CEP89: variants seen among roughly 807,000 people sequenced by gnomAD.
CEP89 encodes the protein centrosomal protein of 89 kDa.
A neutral mutation model predicts 97.6 loss-of-function variants in CEP89; 95 were observed. That is an observed-to-expected ratio of 0.97 (90% CI 0.82 to 1.15). CEP89 has a LOEUF of 1.15. Ranked by LOEUF, CEP89 falls within the 50% of genes most tolerant of loss-of-function variation. CEP89 has a pLI of 0.00. For synonymous variants in CEP89, 354 were observed against 349.1 expected, an observed-to-expected ratio of 1.01 and a Z score of -0.16; for missense variants, 869 against 947.7, an observed-to-expected ratio of 0.92 and a Z score of 1.09.
intron 13 of CEP89, 98 bp downstream of exon 13, chr19:32,918,126 C>T: frequency 1.1e-6 from 1 of 941,216 alleles, no homozygotes; most frequent in Non-Finnish European, 1.7e-6. Context: ...CATGACTTCT[C>T]TCATTTTCAA....
At chr19:32,959,173 C>T (rs1031406420) in intron 3 of CEP89, among the ~76,000 whole-genome samples, 4 of 152,190 alleles carry the variant, frequency 2.6e-5, no homozygotes, top group African/African-American at 9.6e-5. Flanking sequence ...AAACAGGACA[C>T]CAAAGGCACC....
chr19:32,968,979 AG>A (rs1376710070), intron 1 of CEP89: 2 of 152,206 alleles, frequency 1.3e-5, no homozygotes, highest in African/African-American at 4.8e-5. Context: ...CTCTGGAGAC[AG>A]ATTGTCCCAT....
chr19:32,905,502 T>A (rs1039133967), intron 14 of CEP89, among the ~76,000 whole-genome samples: 19 of 150,908 alleles, frequency 1.3e-4, no homozygotes, highest in African/African-American at 2.7e-4. Flanking sequence ...TTTTTTTTTT[T>A]AATTCAATTC....
intron 14 of CEP89, among the ~76,000 whole-genome samples, chr19:32,913,307 TTTTTTGTTG>T (rs1251104544): frequency 0.015 from 293 of 19,388 alleles, 1 homozygote; most frequent in African/African-American, 0.067. Context: ...ATATATATAT[TTTTTTGTTG>T]TTGTTGTTGT....
chr19:32,891,501 C>G (rs1043533074), intron 16 of CEP89, among the ~76,000 whole-genome samples: 3 of 152,164 alleles, frequency 2.0e-5, no homozygotes, highest in Non-Finnish European at 4.4e-5. Context: ...AATTCTCCAA[C>G]AGCAGATTCC....
intron 16 of CEP89, among the ~76,000 whole-genome samples, chr19:32,890,405 C>CCAAA (rs141051475): frequency 6.6e-6 from 1 of 151,892 alleles, no homozygotes; most frequent in African/African-American, 2.4e-5. Flanking sequence ...ATCTCAAAAA[C>CCAAA]CAAACAAACA....
chr19:32,966,461 G>A lies in CEP89; in HGVS notation c.45C>T (p.His15=). Reference sequence around the variant, plus strand: ...CTGCAGGTAAAAGGCCATGGATGATGTGTTTCTGCACAAATGAAATCCAAC... The same window carrying A: ...CTGCAGGTAAAAGGCCATGGATGATATGTTTCTGCACAAATGAAATCCAAC... ...FRRGRRSHFK[H]IIHGLLPAAS... The change falls in exon 2 of 19, where the codon CAC becomes CAT. Residue 15 remains histidine (H), a synonymous_variant. Coordinates refer to ENST00000305768, the MANE Select transcript of CEP89 (RefSeq NM_032816.5). 6.5e-7 allele frequency: 1 copy of A among 1,529,306 alleles called. No homozygotes were observed. The highest frequency in any genetic ancestry group is 1.3e-5 in the South Asian group (1 of 79,696). The allele number at this position is 1,529,306 out of a possible 1,614,324, so 94.7% of individuals were successfully genotyped here.
chr19:32,954,935 G>A (rs904026425), intron 3 of CEP89, among the ~76,000 whole-genome samples: 6 of 151,684 alleles, frequency 4.0e-5, no homozygotes, highest in African/African-American at 9.7e-5. Flanking sequence ...AAAGTGCTGG[G>A]ATTACAGGCC....
Position 32,879,215 on chromosome 19 carries a change from C to T in CEP89, c.2299G>A (p.Asp767Asn). 6.2e-7 allele frequency: 1 copy of T among 1,614,136 alleles called. No individual in the cohort carries two copies. Among genetic ancestry groups the T allele is most frequent in the Non-Finnish European group, 8.5e-7 (1 of 1,180,002 alleles). The change falls in exon 19 of 19, where the codon GAC becomes AAC. Residue 767 changes from aspartate to asparagine, a missense_variant. Physicochemically the swap from Asp to Asn is conservative, Grantham distance 23 (BLOSUM62 1). Transcript: ENST00000305768. Reference sequence around the variant, plus strand: ...TCATAGGAGCAGACATCGCAGCCGTCCAGCAGGTCTGCCTGAGAGACGCCA... The same window carrying T: ...TCATAGGAGCAGACATCGCAGCCGTTCAGCAGGTCTGCCTGAGAGACGCCA... ...LNGVSQADLL[D>N]GCDVCSYDLK...
intron 4 of CEP89, among the ~76,000 whole-genome samples, chr19:32,951,432 A>G (rs1290230333): frequency 1.3e-5 from 2 of 151,548 alleles, no homozygotes; most frequent in African/African-American, 2.4e-5. Flanking sequence ...GTTGCAGTGA[A>G]CCAAGATTGC....
chr19:32,896,224 C>T (rs1195397688), intron 16 of CEP89, among the ~76,000 whole-genome samples: 1 of 152,150 alleles, frequency 6.6e-6, no homozygotes, highest in Non-Finnish European at 1.5e-5. Flanking sequence ...AAATACATTA[C>T]AAGGCTATAG....
intron 13 of CEP89, chr19:32,917,871 C>T: frequency 1.3e-6 from 1 of 748,826 alleles, no homozygotes; most frequent in Non-Finnish European, 1.6e-6. Context: ...GCTTACGCAT[C>T]CAACAAACAT....
chr19:32,904,041 T>C (rs930597997), intron 14 of CEP89, among the ~76,000 whole-genome samples: 1 of 152,124 alleles, frequency 6.6e-6, no homozygotes, highest in Non-Finnish European at 1.5e-5. Flanking sequence ...ATGCCTGTAG[T>C]CCCAGCTACT....
At chr19:32,927,384 G>T (rs930609255) in intron 9 of CEP89, among the ~76,000 whole-genome samples, 1 of 151,840 alleles carries the variant, frequency 6.6e-6, no homozygotes, top group Non-Finnish European at 1.5e-5. Flanking sequence ...AATCAACACA[G>T]ATAACAATAC....
At chr19:32,950,349 G>A (rs1050968272) in intron 4 of CEP89, among the ~76,000 whole-genome samples, 4 of 152,064 alleles carry the variant, frequency 2.6e-5, no homozygotes, top group South Asian at 2.1e-4. Context: ...ACCTGAAGTC[G>A]GGAGTTCAAG....
intron 14 of CEP89, among the ~76,000 whole-genome samples, chr19:32,913,639 CTT>C (rs71301617): frequency 5.1e-5 from 7 of 138,204 alleles, no homozygotes; most frequent in Non-Finnish European, 7.7e-5. Flanking sequence ...TACACACACA[CTT>C]TTTTTTTTTT....
At chr19:32,897,034 C>G (rs1969658455) in intron 16 of CEP89, among the ~76,000 whole-genome samples, 1 of 152,014 alleles carries the variant, frequency 6.6e-6, no homozygotes, top group Non-Finnish European at 1.5e-5. Context: ...AGGCTGATGT[C>G]AACCTAAAAT....
At chr19:32,887,583 A>G (rs1032875240) in intron 17 of CEP89, among the ~76,000 whole-genome samples, 169 bp downstream of exon 17, 1 of 152,140 alleles carries the variant, frequency 6.6e-6, no homozygotes, top group Admixed American at 6.5e-5. Flanking sequence ...AGTTTATTGA[A>G]TGAGGTGAGA....
intron 14 of CEP89, among the ~76,000 whole-genome samples, chr19:32,901,741 C>T (rs1568551005): frequency 2.0e-5 from 3 of 152,178 alleles, no homozygotes; most frequent in Admixed American, 6.5e-5. Flanking sequence ...AATCCTCCTA[C>T]CTCAGCCTCC....
Sources: allele counts gnomAD v4.1 joint callset (sites outside exome capture counted in the v4.1 genomes callset), GRCh38; gene constraint gnomAD v4.1.1; transcripts MANE v1.5; gene names NCBI Gene and HGNC (gene_info 2026-07-23, HGNC 2026-07-21).